Variants in TTN observed in about 807,000 individuals in gnomAD.
TTN encodes connectin.
Under a neutral mutation model 3,223.0 loss-of-function variants are expected in TTN, and 1,525 were observed. The observed-to-expected ratio is 0.47, with a 90% CI of 0.45 to 0.49. TTN has a LOEUF of 0.49. TTN is among the 20% of genes least tolerant of loss of function. The pLI is 0.00. For synonymous variants in TTN, 14,094 were observed against 15,161.0 expected (o/e 0.93, Z 5.17); for missense variants, 40,786 against 43,424.0 (o/e 0.94, Z 5.40).
chr2:178,574,289 G>A lies in TTN; in HGVS notation c.71843C>T (p.Pro23948Leu). Reference protein sequence around the residue: ...RHTVTLKWAKPEYTGGFKITS... With the variant: ...RHTVTLKWAKLEYTGGFKITS... ...AATTTTAAAGCCCCCAGTATATTCA[G>A]GCTTAGCCCATTTAAGTGTTACTGT... The change falls in exon 326 of 363, where the codon CCT becomes CTT. Residue 23948 changes from proline (P) to leucine (L), a missense_variant. By Grantham distance (98) the Pro-to-Leu change is moderately conservative. Transcript: ENST00000589042. 1 of 1,613,406 alleles carries A rather than the reference G, an allele frequency of 6.2e-7. No homozygotes were observed. The highest frequency in any genetic ancestry group is 1.1e-5 in the South Asian group (1 of 91,062).
rs2154211097 is a variant in TTN, at chr2:178,620,546, C to G, written c.45975G>C (p.Val15325=). 1 of 1,612,030 alleles carries G rather than the reference C, an allele frequency of 6.2e-7. No individual in the cohort carries two copies. The highest frequency in any genetic ancestry group is 8.5e-7 in the Non-Finnish European group (1 of 1,178,890). The part of the protein sequence containing the change: ...EKKSVTFWCK[V]NRLNVTLKWT... ...ACTTCAGTGTTACATTGAGACGATT[C>G]ACCTTGCACCAGAATGTGACAGATT... is the stretch of plus-strand genomic sequence containing the variant. Residue 15325 remains valine, a synonymous_variant, in exon 248 of 363, where the codon GTG becomes GTC. Transcript: ENST00000589042.
chr2:178,686,257 A>G (rs1187775555), intron 127 of TTN, among the ~76,000 whole-genome samples: 1 of 146,636 alleles, frequency 6.8e-6, no homozygotes, highest in African/African-American at 2.5e-5. Context: ...AGTAGCTGGG[A>G]CTACAGGCGC....
chr2:178,632,559 C>G lies in TTN; in HGVS notation c.43447G>C (p.Asp14483His), dbSNP rs750442099. ...ATCAGTTTGCCACTTGTGTGCTTAT[C>G]TTCAGCTTCAAACATGTATTTTGCT... ...DEAKYMFEAE[D>H]KHTSGKLIIE... The change falls in exon 235 of 363, where the codon GAT becomes CAT. Residue 14483 changes from aspartate to histidine, a missense_variant. Asp to His is a moderately conservative substitution (Grantham distance 81, BLOSUM62 -1). Transcript: ENST00000589042. The G allele has an allele frequency of 1.2e-6, 2 of 1,613,308 alleles. No homozygotes were observed.
rs1575785560 is a variant in TTN at position 178,574,247 on chromosome 2, TCAA to T, written c.71882_71884del (p.Val23961del). 6.2e-7 allele frequency: 1 copy of T among 1,613,172 alleles called. No individual in the cohort carries two copies. Among genetic ancestry groups the T allele is most frequent in the Non-Finnish European group, 8.5e-7 (1 of 1,179,366 alleles). On this transcript the variant is annotated inframe_deletion, in exon 326 of 363. Transcript: ENST00000589042. ...CCGTCCATTAGGAAGGTCTCTCTTT[TCAA>T]CGATATAACTGGTAATTTTAAAGCC...
In TTN at chr2:178,575,571, T is replaced by G. The variant is rs1007385866; in HGVS notation, c.70561A>C (p.Thr23521Pro). Residue 23521 changes from threonine to proline, a missense_variant, in exon 326 of 363, where the codon ACA becomes CCA. Physicochemically the swap from Thr to Pro is conservative, Grantham distance 38. Transcript: ENST00000589042. This position sits in a 1 kb window ranked among gnomAD's most constrained non-coding sequence, Gnocchi z 4.0. ...AENEYGIGEP[T>P]ETTEPVKASE... ...GCTTTTACGGGCTCTGTAGTTTCTG[T>G]TGGCTCACCAATTCCATATTCATTC... 6.2e-7 allele frequency: 1 copy of G among 1,613,586 alleles called. No homozygotes were observed. Among genetic ancestry groups the G allele is most frequent in the Non-Finnish European group, 8.5e-7 (1 of 1,179,672 alleles).
chr2:178,768,686 T>C lies in TTN; in HGVS notation c.9150A>G (p.Thr3050=), dbSNP rs72647886. The C allele has an allele frequency of 5.1e-4, 821 of 1,614,064 alleles. 5 individuals carry two copies. The African/African-American group carries it at 9.8e-3, about 19-fold the overall frequency. Reference sequence around the variant, plus strand: ...ATGAAACCATACCTTCCACATAAAGTGTGGCTGTTGATGTTGCTTTTCCAG... The same window carrying C: ...ATGAAACCATACCTTCCACATAAAGCGTGGCTGTTGATGTTGCTTTTCCAG... ...FVAGKATSTA[T]LYVEARHIEF... The change falls in exon 38 of 363, where the codon ACA becomes ACG. Residue 3050 remains threonine, a synonymous_variant. Transcript: ENST00000589042.
chr2:178,537,255 AAAT>A lies in TTN; in HGVS notation c.99866-15_99866-13del. The A allele has an allele frequency of 6.4e-7, 1 of 1,572,932 alleles. No homozygotes were observed. Among genetic ancestry groups the A allele is most frequent in the Non-Finnish European group, 8.6e-7 (1 of 1,159,914 alleles). On this transcript the variant is annotated splice_polypyrimidine_tract_variant and intron_variant, in intron 355 of 362. Coordinates refer to ENST00000589042, the MANE Select transcript of TTN (RefSeq NM_001267550.2). ...TTTGTCTGGTTTATCTGTTGGGGGA[AAAT>A]ACAATTGTGGTGGTTTTCATAGTGT...
intron 73 of TTN, 48 bp from the exon 74 acceptor site, chr2:178,723,744 G>T (rs762550764): frequency 1.2e-5 from 19 of 1,528,734 alleles, no homozygotes; most frequent in Non-Finnish European, 1.7e-5. Context: ...GCTTCAGATG[G>T]AGTTGCAATT....
In TTN at chr2:178,601,188, AG is replaced by A; in HGVS notation, c.55733-18del. ...CAGGAGGATCTGTAAAAATAATTAA[AG>A]GAAGTATTAAGCGTTGTTTATAATA... is the stretch of plus-strand genomic sequence containing the variant. On this transcript the variant is annotated intron_variant, in intron 287 of 362. Coordinates refer to ENST00000589042, the MANE Select transcript of TTN (RefSeq NM_001267550.2). The A allele has an allele frequency of 6.6e-7, 1 of 1,520,976 alleles. No individual in the cohort carries two copies. The highest frequency in any genetic ancestry group is 2.3e-5 in the East Asian group (1 of 43,816). The allele number at this position is 1,520,976 out of a possible 1,614,324, so 94.2% of individuals were successfully genotyped here.
At chr2:178,677,425 TTAGA>T in intron 146 of TTN, 138 bp from the exon 147 acceptor site, 2 of 640,588 alleles carry the variant, frequency 3.1e-6, no homozygotes, top group East Asian at 3.2e-5. Context: ...GAAAAGACAT[TTAGA>T]TAATTTACAA....
chr2:178,600,689 G>T (rs1023681495), intron 288 of TTN, 165 bp downstream of exon 288: 6 of 789,978 alleles, frequency 7.6e-6, no homozygotes, highest in Admixed American at 2.0e-5. Flanking sequence ...TGAAAATTCT[G>T]TGGAAATTGA....
chr2:178,616,600 A>C lies in TTN; in HGVS notation c.48191T>G (p.Phe16064Cys). 6.2e-7 allele frequency: 1 copy of C among 1,612,356 alleles called. No homozygotes were observed. Among genetic ancestry groups the C allele is most frequent in the Non-Finnish European group, 8.5e-7 (1 of 1,179,004 alleles). ...ARPSAPKELK[F>C]GDITKDSVHL... Reference sequence around the variant, plus strand: ...TACTGAGTCCTTGGTTATATCACCAAATTTCAATTCTTTGGGTGCACTTGG... The same window carrying C: ...TACTGAGTCCTTGGTTATATCACCACATTTCAATTCTTTGGGTGCACTTGG... Residue 16064 changes from phenylalanine to cysteine, a missense_variant, in exon 257 of 363, where the codon TTT (phenylalanine) becomes TGT (cysteine). By Grantham distance (205) the Phe-to-Cys change is radical (BLOSUM62 -2). Coordinates refer to ENST00000589042, the MANE Select transcript of TTN (RefSeq NM_001267550.2).
At chr2:178,696,371 A>C (rs569554214) in intron 113 of TTN, 102 bp from the exon 114 acceptor site, 1 of 995,980 alleles carries the variant, frequency 1.0e-6, no homozygotes, top group African/African-American at 1.7e-5. Context: ...TTTCAGATCT[A>C]TTTTATTGAT....
chr2:178,648,679 G>A (rs1279539265), intron 213 of TTN, among the ~76,000 whole-genome samples: 1 of 152,092 alleles, frequency 6.6e-6, no homozygotes, highest in Non-Finnish European at 1.5e-5. Flanking sequence ...CCAAGTGTTG[G>A]GATGACAGGC....
chr2:178,757,231 T>TACTGTACTTACTTTA (rs1252574568), intron 45 of TTN, among the ~76,000 whole-genome samples: 1 of 148,874 alleles, frequency 6.7e-6, no homozygotes, highest in African/African-American at 2.5e-5. Flanking sequence ...TAAGTAATAA[T>TACTGTACTTACTTTA]CAGCAAATAG....
At chr2:178,630,674 C>T in intron 238 of TTN, 130 bp downstream of exon 238, 1 of 1,365,774 alleles carries the variant, frequency 7.3e-7, no homozygotes, top group South Asian at 1.4e-5. Flanking sequence ...TGACATCTCT[C>T]TTTGGCTTAG....
rs1246608701 is a variant in TTN, at chr2:178,598,551, T to C, written c.57066A>G (p.Gly19022=). The C allele has an allele frequency of 3.7e-6, 6 of 1,609,132 alleles. No homozygotes were observed. Among genetic ancestry groups the C allele is most frequent in the Non-Finnish European group, 5.1e-6 (6 of 1,178,780 alleles). The change falls in exon 292 of 363, where the codon GGA becomes GGG. Residue 19022 remains glycine, a synonymous_variant. Coordinates refer to ENST00000589042, the MANE Select transcript of TTN (RefSeq NM_001267550.2). ...CTTCTTCTTTATATTCAACGATGTA[T>C]CCAGTTACTTTGGATCCACCATCTT... ...PLKDGGSKVT[G]YIVEYKEEGK...
In TTN at chr2:178,608,225, C is replaced by T. The variant is rs746747781; in HGVS notation, c.52658G>A (p.Gly17553Glu). The stretch of plus-strand genomic sequence containing the variant: ...GGGATCTGAAGGTGGACTGAACTTT[C>T]CAGGTCCAGCTGCATTTTCAGCACA... The part of the protein sequence containing the change: ...RVCAENAAGP[G>E]KFSPPSDPKT... Residue 17553 changes from glycine (G) to glutamate (E), a missense_variant, in exon 275 of 363, where the codon GGA (glycine) becomes GAA (glutamate). By Grantham distance (98) the Gly-to-Glu change is moderately conservative. Coordinates refer to ENST00000589042, the MANE Select transcript of TTN (RefSeq NM_001267550.2). 1.9e-6 allele frequency: 3 copies of T among 1,605,516 alleles called. No homozygotes were observed. The African/African-American group carries it at 4.0e-5, about 22-fold the overall frequency.
At chr2:178,703,476 A>G (rs2075340531) in intron 106 of TTN, among the ~76,000 whole-genome samples, 1 of 152,228 alleles carries the variant, frequency 6.6e-6, no homozygotes, top group African/African-American at 2.4e-5. Context: ...CCAATGTCAT[A>G]TATTTGTGTT....
Sources: gnomAD v4.1 joint callset for allele counts (sites outside exome capture counted in the v4.1 genomes callset) on GRCh38, gnomAD v4.1.1 for gene constraint, Gnocchi (gnomAD v3.1) non-coding constraint, MANE v1.5 for transcripts, NCBI Gene and HGNC (gene_info 2026-07-23, HGNC 2026-07-21) for gene names.